The following XRCC6 variants were observed in gnomAD, a reference collection of about 807,000 sequenced individuals.
The protein encoded by XRCC6 is X-ray repair cross complementing 6.
In XRCC6, 5 loss-of-function variants were observed where a neutral mutation model predicts 65.7. The ratio of observed to expected loss-of-function variants is 0.08; its 90% CI spans 0.04 to 0.16. The LOEUF is 0.16. Ranked by LOEUF, XRCC6 falls within the 10% of genes least tolerant of loss-of-function variation. The pLI is 1.00. For missense variants in XRCC6, 447 were observed against 738.1 expected (o/e 0.61, Z 4.57); for synonymous variants, 270 against 270.6 (o/e 1.00, Z 0.02).
At chr22:41,654,875 G>A (rs1222667578) in intron 9 of XRCC6, among the ~76,000 whole-genome samples, 1 of 152,120 alleles carries the variant, frequency 6.6e-6, no homozygotes, top group Non-Finnish European at 1.5e-5. Flanking sequence ...AATACAGGAG[G>A]GCCGCAACCA....
intron 6 of XRCC6, among the ~76,000 whole-genome samples, chr22:41,640,861 CTTG>C (rs1317058342): frequency 2.6e-5 from 4 of 152,084 alleles, no homozygotes; most frequent in African/African-American, 7.2e-5. Context: ...AAATGTAGGC[CTTG>C]TTGTCAGATT....
chr22:41,633,745 C>T (rs1313102017), intron 3 of XRCC6, among the ~76,000 whole-genome samples: 2 of 152,078 alleles, frequency 1.3e-5, no homozygotes, highest in African/African-American at 4.8e-5. Context: ...AGATAGTACT[C>T]ACAATTCTAC....
intron 3 of XRCC6, among the ~76,000 whole-genome samples, chr22:41,634,389 C>T (rs1181202497): frequency 6.6e-6 from 1 of 151,888 alleles, no homozygotes; most frequent in Non-Finnish European, 1.5e-5. Flanking sequence ...CATTGTTTTG[C>T]CATGTTGCCC....
At chr22:41,625,384 G>C (rs1481853726) in intron 2 of XRCC6, among the ~76,000 whole-genome samples, 1 of 151,876 alleles carries the variant, frequency 6.6e-6, no homozygotes, top group African/African-American at 2.4e-5. Context: ...TCAGCACTTT[G>C]GGAGTAGGAG....
At chr22:41,622,153 T>TG (rs1458962671) in intron 2 of XRCC6, 67 bp downstream of exon 2, 1 of 1,537,126 alleles carries the variant, frequency 6.5e-7, no homozygotes, top group African/African-American at 1.4e-5. Context: ...CTATCTCTGC[T>TG]GGATGGACTT....
chr22:41,654,731 A>C (rs1201612502), intron 9 of XRCC6, among the ~76,000 whole-genome samples: 1 of 152,190 alleles, frequency 6.6e-6, no homozygotes, highest in Non-Finnish European at 1.5e-5. Context: ...GAAGGCCCCC[A>C]TGGAGCTGGG....
Position 41,647,025 on chromosome 22 carries a change from G to A in XRCC6, c.903G>A (p.Arg301=), listed in dbSNP as rs2067938925. Residue 301 remains arginine (R), a synonymous_variant, in exon 7 of 13, where the codon CGG becomes CGA. Coordinates refer to ENST00000360079, the MANE Select transcript of XRCC6 (RefSeq NM_001469.5). ...ATGAACCAGTGAAAACCAAGACCCG[G>A]ACCTTTAATACAAGTACAGGCGGTT... ...ETNEPVKTKT[R]TFNTSTGGLL... 2 of 1,614,044 alleles carry A rather than the reference G, an allele frequency of 1.2e-6. No individual in the cohort carries two copies. Among genetic ancestry groups the A allele is most frequent in the African/African-American group, 1.3e-5 (1 of 74,922 alleles).
At chr22:41,646,564 G>A (rs1004997756) in intron 6 of XRCC6, among the ~76,000 whole-genome samples, 5 of 152,044 alleles carry the variant, frequency 3.3e-5, no homozygotes, top group African/African-American at 1.2e-4. Context: ...TTTGGGTTGG[G>A]AATATTCAAC....
intron 2 of XRCC6, 112 bp downstream of exon 2, chr22:41,622,198 A>T: frequency 9.1e-7 from 1 of 1,100,622 alleles, no homozygotes; most frequent in Non-Finnish European, 1.3e-6. Flanking sequence ...CCTCCCAGAT[A>T]ATTCTGAAAT....
At chr22:41,630,805 A>G (rs1441727828) in intron 3 of XRCC6, among the ~76,000 whole-genome samples, 1 of 152,178 alleles carries the variant, frequency 6.6e-6, no homozygotes, top group Non-Finnish European at 1.5e-5. Context: ...ACAGGATCCC[A>G]AGGCAGAAGA....
At chr22:41,647,547 C>G (rs2067945378) in intron 7 of XRCC6, among the ~76,000 whole-genome samples, 1 of 149,436 alleles carries the variant, frequency 6.7e-6, no homozygotes, top group Non-Finnish European at 1.5e-5. Context: ...CGCCATTGCG[C>G]TCCAGCCTGG....
chr22:41,663,378 G>C (rs1009096772), intron 12 of XRCC6, among the ~76,000 whole-genome samples: 1 of 152,224 alleles, frequency 6.6e-6, no homozygotes, highest in Admixed American at 6.5e-5. Context: ...GTGAGCAACA[G>C]TTTTGGGTAA....
At position 41,655,859 on chromosome 22, in the gene XRCC6, C is replaced by T. The variant is rs369182326; in HGVS notation, c.1292-1044C>T. Among the ~76,000 whole-genome samples the T allele has an allele frequency of 1.3e-3, 193 of 151,806 alleles. 1 individual carries two copies. Among genetic ancestry groups the T allele is most frequent in the African/African-American group, 4.3e-3 (179 of 41,428 alleles). On this transcript the variant is annotated intron_variant, in intron 9 of 12. Transcript: ENST00000360079. ...GCTTACCGACGTGAGCCACCATGTC[C>T]GGCCCAAGCTAGTTTTCCTGTTGCA...
chr22:41,626,937 G>A (rs2147066759), intron 2 of XRCC6, among the ~76,000 whole-genome samples: 1 of 152,176 alleles, frequency 6.6e-6, no homozygotes, highest in South Asian at 2.1e-4. Context: ...ACTGCGCCCA[G>A]CCTAATGTTT....
chr22:41,627,609 CAAAAA>C (rs71184821), intron 2 of XRCC6, among the ~76,000 whole-genome samples: 1 of 97,474 alleles, frequency 1.0e-5, no homozygotes, highest in African/African-American at 4.2e-5. Flanking sequence ...GACTCCGTCT[CAAAAA>C]AAAAAAAAAA....
intron 6 of XRCC6, among the ~76,000 whole-genome samples, chr22:41,642,397 A>G (rs570197662): frequency 1.1e-4 from 17 of 152,242 alleles, no homozygotes; most frequent in Admixed American, 5.2e-4. Flanking sequence ...TAGTTTCCAG[A>G]TATTTTCTCT....
chr22:41,621,916 C>G (rs2067611293), intron 1 of XRCC6, 74 bp from the exon 2 acceptor site: 2 of 1,428,030 alleles, frequency 1.4e-6, no homozygotes, highest in African/African-American at 1.4e-5. Context: ...TAGAACAGAT[C>G]TCACAAGAAC....
chr22:41,650,473 A>G (rs2067984241), intron 7 of XRCC6, among the ~76,000 whole-genome samples: 2 of 152,152 alleles, frequency 1.3e-5, no homozygotes. Flanking sequence ...TCATAAGCAC[A>G]GTCCCACTCT....
chr22:41,632,763 C>T (rs1426892426), intron 3 of XRCC6, among the ~76,000 whole-genome samples: 4 of 150,734 alleles, frequency 2.7e-5, no homozygotes, highest in African/African-American at 9.8e-5. Context: ...TTTGAGGCTG[C>T]ACTGAGCTAT....
Sources: gnomAD v4.1 joint callset for allele counts (sites outside exome capture counted in the v4.1 genomes callset) on GRCh38, gnomAD v4.1.1 for gene constraint, MANE v1.5 for transcripts, NCBI Gene and HGNC (gene_info 2026-07-23, HGNC 2026-07-21) for gene names.